Variants in PCDHA3 observed in about 807,000 individuals in gnomAD.
PCDHA3 encodes the protein protocadherin alpha 3.
PCDHA3 carries 41 observed loss-of-function variants against 62.2 expected under a neutral mutation model. The ratio of observed to expected loss-of-function variants is 0.66; its 90% CI spans 0.51 to 0.86. PCDHA3 has a LOEUF of 0.86. Ranked by LOEUF, PCDHA3 falls within the 40% of genes least tolerant of loss-of-function variation. PCDHA3 has a pLI of 0.00. For synonymous variants in PCDHA3, 640 were observed against 555.4 expected (o/e 1.15, Z -2.14); for missense variants, 1,304 against 1,241.2 (o/e 1.05, Z -0.76).
intron 1 of PCDHA3, chr5:140,850,881 A>G (rs2041865232): frequency 1.3e-6 from 2 of 1,586,312 alleles, no homozygotes; most frequent in African/African-American, 1.4e-5. Context: ...CTCAGATTCA[A>G]CTGGGAAGGT....
intron 1 of PCDHA3, among the ~76,000 whole-genome samples, chr5:140,954,689 A>T (rs1392082377): frequency 2.0e-5 from 3 of 152,164 alleles, no homozygotes; most frequent in Non-Finnish European, 4.4e-5. Context: ...TCAGATGGAT[A>T]GACTACAAAA....
chr5:140,855,911 G>A (rs2043669744), intron 1 of PCDHA3: 4 of 1,166,768 alleles, frequency 3.4e-6, no homozygotes, highest in East Asian at 4.8e-5. Context: ...AGTTTCTCAA[G>A]GACTAGGAAG....
intron 1 of PCDHA3, among the ~76,000 whole-genome samples, chr5:140,897,549 T>C (rs1356591020): frequency 2.6e-5 from 4 of 152,140 alleles, no homozygotes; most frequent in African/African-American, 7.2e-5. Flanking sequence ...TAGTCTTCCA[T>C]GGTGTATATG....
intron 1 of PCDHA3, chr5:140,843,376 C>G (rs1554140003): frequency 1.3e-6 from 2 of 1,595,956 alleles, no homozygotes; most frequent in Admixed American, 1.7e-5. Context: ...AGTCGGCTGG[C>G]GTTTTGGGTC....
At chr5:140,841,343 G>T (rs1554138115) in intron 1 of PCDHA3, 1 of 1,612,324 alleles carries the variant, frequency 6.2e-7, no homozygotes, top group Non-Finnish European at 8.5e-7. Context: ...CTGGCGAGGA[G>T]AGCTGGGATC....
chr5:140,852,752 C>T (rs2042460960), intron 1 of PCDHA3: 1 of 983,598 alleles, frequency 1.0e-6, no homozygotes, highest in Non-Finnish European at 1.2e-6. Context: ...TAAACTTGGA[C>T]CCAGGTATCT....
In PCDHA3 at chr5:140,920,607, A is replaced by G. The variant is rs185483487; in HGVS notation, c.2395-58342A>G. Among the ~76,000 whole-genome samples the G allele has an allele frequency of 8.0e-3, 1,215 of 152,266 alleles. 5 individuals are homozygous for G. Among genetic ancestry groups the G allele is most frequent in the African/African-American group, 0.019 (784 of 41,544 alleles). On this transcript the variant is annotated intron_variant, in intron 1 of 3. Coordinates refer to ENST00000522353, the MANE Select transcript of PCDHA3 (RefSeq NM_018906.3). ...ACGCCTGTAATCCCAGCACTTTGGG[A>G]GGCCGAGGCGGATGGATCACAAGGT...
intron 3 of PCDHA3, among the ~76,000 whole-genome samples, chr5:141,006,484 A>T (rs1028996250): frequency 9.9e-5 from 15 of 152,130 alleles, no homozygotes; most frequent in Non-Finnish European, 7.4e-5. Flanking sequence ...AAGTGCTGGG[A>T]TTACATGTGT....
intron 1 of PCDHA3, chr5:140,814,574 T>TA (rs1554126552): frequency 6.6e-6 from 1 of 152,230 alleles, no homozygotes; most frequent in East Asian, 1.9e-4. Flanking sequence ...TTATGTACTG[T>TA]AAATTACTGT....
chr5:140,981,943 G>A (rs1207723761), intron 2 of PCDHA3, among the ~76,000 whole-genome samples: 2 of 152,116 alleles, frequency 1.3e-5, no homozygotes, highest in Non-Finnish European at 2.9e-5. Flanking sequence ...GGAAATATAG[G>A]GTGGGTCATC....
chr5:140,863,217 G>A (rs932359746), intron 1 of PCDHA3: 13 of 1,095,768 alleles, frequency 1.2e-5, no homozygotes, highest in Non-Finnish European at 1.6e-5. Flanking sequence ...GCAGCCAAGC[G>A]AGGAAGGTCC....
intron 1 of PCDHA3, chr5:140,875,985 G>C (rs1351463699): frequency 1.8e-5 from 29 of 1,613,832 alleles, no homozygotes; most frequent in Non-Finnish European, 2.3e-5. Context: ...TGACCTATGC[G>C]TTAAGTCTAA....
intron 1 of PCDHA3, chr5:140,871,093 G>C: frequency 1.9e-6 from 3 of 1,613,300 alleles, no homozygotes; most frequent in Non-Finnish European, 2.5e-6. Context: ...CACGGCCACC[G>C]TGCTGGTGTC....
intron 1 of PCDHA3, chr5:140,884,562 A>C (rs782650365): frequency 6.2e-7 from 1 of 1,614,166 alleles, no homozygotes; most frequent in Non-Finnish European, 8.5e-7. Flanking sequence ...GAGGGCCCGC[A>C]TAAGACGGAC....
At chr5:140,999,521 T>C (rs1554256849) in intron 3 of PCDHA3, among the ~76,000 whole-genome samples, 1 of 152,106 alleles carries the variant, frequency 6.6e-6, no homozygotes, top group Non-Finnish European at 1.5e-5. Flanking sequence ...AGCATTTTGT[T>C]ACCCCCTGGA....
rs782751899 is a variant in PCDHA3 at position 140,967,272 on chromosome 5, T to G, written c.2395-11677T>G. The G allele has an allele frequency of 1.2e-6, 2 of 1,613,412 alleles. No homozygotes were observed. Among genetic ancestry groups the G allele is most frequent in the East Asian group, 2.2e-5 (1 of 44,860 alleles). On this transcript the variant is annotated intron_variant, in intron 1 of 3. Transcript: ENST00000522353. ...GTGGCGCCTGGAGCGCGCTTTCACA[T>G]AGAGAGTGCGCAGGACCCCGACGTG...
intron 1 of PCDHA3, among the ~76,000 whole-genome samples, chr5:140,924,871 G>C: frequency 6.7e-6 from 1 of 149,164 alleles, no homozygotes; most frequent in Non-Finnish European, 1.5e-5. Flanking sequence ...CTCCAGCCTG[G>C]GTGACAGAGC....
In PCDHA3 at chr5:141,010,583, G is replaced by A. The variant is rs1186884021; in HGVS notation, c.*646G>A. The A allele has an allele frequency of 4.1e-5, 10 of 242,992 alleles. No individual in the cohort carries two copies. The highest frequency in any genetic ancestry group is 3.6e-4 in the Admixed American group (7 of 19,606). 15.1% of individuals were successfully genotyped at this position (242,992 alleles called of 1,614,324 possible). A position where few individuals can be genotyped will look rare whatever the true frequency, so the allele number is the denominator to read the frequency against. The stretch of plus-strand genomic sequence containing the variant: ...TGACAAGGCTTTAGGAGACCCTAAA[G>A]TCTGTTGGCTGTGACGTCATTATAC... On this transcript the variant is annotated 3_prime_UTR_variant, in exon 4 of 4. Coordinates refer to ENST00000522353, the MANE Select transcript of PCDHA3 (RefSeq NM_018906.3).
At chr5:140,838,079 T>TATA (rs1775498021) in intron 1 of PCDHA3, among the ~76,000 whole-genome samples, 4 of 6,872 alleles carry the variant, frequency 5.8e-4, no homozygotes, top group African/African-American at 2.3e-3. Context: ...ATATATATAG[T>TATA]GTGTGTGTGT....
Sources: allele counts gnomAD v4.1 joint callset (sites outside exome capture counted in the v4.1 genomes callset), GRCh38; gene constraint gnomAD v4.1.1; transcripts MANE v1.5; gene names NCBI Gene and HGNC (gene_info 2026-07-23, HGNC 2026-07-21).